The following TTBK2 variants were observed in gnomAD, a reference collection of about 807,000 sequenced individuals.
TTBK2 encodes the protein tau tubulin kinase 2.
Under a neutral mutation model 110.8 loss-of-function variants are expected in TTBK2, and 28 were observed. That is an observed-to-expected ratio of 0.25 (90% confidence interval 0.19 to 0.35). The LOEUF is 0.35. Among genes scored for constraint, TTBK2 ranks in the 10% least tolerant of loss-of-function variants. TTBK2 has a pLI of 1.00. For synonymous variants in TTBK2, 532 were observed against 527.3 expected (o/e 1.01, Z -0.12); for missense variants, 1,369 against 1,500.3 (o/e 0.91, Z 1.45).
intron 3 of TTBK2, chr15:42,871,676 G>T: frequency 1.4e-6 from 1 of 713,862 alleles, no homozygotes; most frequent in Non-Finnish European, 1.7e-6. Flanking sequence ...GTCAGAAAAA[G>T]AAAGAGCCAT....
In TTBK2 at chr15:42,775,730, G is replaced by A. The variant is rs546552376; in HGVS notation, c.1410-7C>T. 4 of 1,605,356 alleles carry A rather than the reference G, an allele frequency of 2.5e-6. No individual in the cohort carries two copies. In the African/African-American group the frequency reaches 5.3e-5, roughly 21 times the overall value. On this transcript the variant is annotated splice_polypyrimidine_tract_variant and splice_region_variant and intron_variant, in intron 12 of 14. Transcript: ENST00000267890. ...TTTCTGCATTTTCTCCAGGCTTAAGGAAATGGAAAGAAGTTACTCAACTGT... is the reference window on the plus strand; with the variant it reads ...TTTCTGCATTTTCTCCAGGCTTAAGAAAATGGAAAGAAGTTACTCAACTGT...
intron 10 of TTBK2, 59 bp downstream of exon 10, chr15:42,794,585 T>G: frequency 6.2e-7 from 1 of 1,613,102 alleles, no homozygotes. Flanking sequence ...ATGAAGTAAA[T>G]TTTTGCAAAT....
chr15:42,880,468 C>A (rs1366140453), intron 1 of TTBK2, among the ~76,000 whole-genome samples: 4 of 152,128 alleles, frequency 2.6e-5, no homozygotes, highest in Admixed American at 2.6e-4. Flanking sequence ...CTCATTATAT[C>A]CTTGAACTCC....
At chr15:42,811,181 T>C (rs1483449253) in intron 8 of TTBK2, among the ~76,000 whole-genome samples, 1 of 152,080 alleles carries the variant, frequency 6.6e-6, no homozygotes, top group Non-Finnish European at 1.5e-5. Flanking sequence ...TTTGTAAAGA[T>C]TGGGGTCTCA....
At chr15:42,894,777 C>T (rs1032584780) in intron 1 of TTBK2, among the ~76,000 whole-genome samples, 2 of 151,964 alleles carry the variant, frequency 1.3e-5, no homozygotes, top group Admixed American at 6.6e-5. Flanking sequence ...AAATAAGAGA[C>T]CCATATCCCT....
chr15:42,899,831 G>A (rs2029886049), intron 1 of TTBK2, among the ~76,000 whole-genome samples: 1 of 151,390 alleles, frequency 6.6e-6, no homozygotes, highest in Non-Finnish European at 1.5e-5. Context: ...GAATCCAGGA[G>A]GCGGAGGTTG....
chr15:42,747,049 C>T (rs1031976842), intron 14 of TTBK2, among the ~76,000 whole-genome samples: 3 of 151,382 alleles, frequency 2.0e-5, no homozygotes, highest in African/African-American at 7.3e-5. Flanking sequence ...ACTGCAGTCT[C>T]GACCTCCTGG....
chr15:42,788,536 T>C (rs2140837240), intron 10 of TTBK2, among the ~76,000 whole-genome samples: 1 of 152,332 alleles, frequency 6.6e-6, no homozygotes, highest in Non-Finnish European at 1.5e-5. Flanking sequence ...TTGAATATCC[T>C]GCAGTTGTTG....
intron 3 of TTBK2, among the ~76,000 whole-genome samples, chr15:42,859,062 C>G (rs1430830483): frequency 6.6e-6 from 1 of 152,056 alleles, no homozygotes; most frequent in African/African-American, 2.4e-5. Flanking sequence ...ACCTAACCTG[C>G]TGGAGTTTGT....
intron 6 of TTBK2, among the ~76,000 whole-genome samples, chr15:42,827,251 A>G (rs1892573395): frequency 6.6e-6 from 1 of 152,160 alleles, no homozygotes; most frequent in African/African-American, 2.4e-5. Flanking sequence ...AACGGAATAG[A>G]TTTCACTAAA....
chr15:42,753,546 T>G (rs867837394), intron 13 of TTBK2, among the ~76,000 whole-genome samples: 4 of 152,304 alleles, frequency 2.6e-5, no homozygotes, highest in Non-Finnish European at 5.9e-5. Context: ...GTTTCCTGGC[T>G]TTCTGATTTG....
chr15:42,772,337 G>A (rs145776161), intron 13 of TTBK2, among the ~76,000 whole-genome samples: 14 of 152,280 alleles, frequency 9.2e-5, no homozygotes, highest in African/African-American at 2.9e-4. Flanking sequence ...CTAACAGCCA[G>A]TAAGGAACTG....
chr15:42,755,350 G>C (rs1039511283), intron 13 of TTBK2, among the ~76,000 whole-genome samples: 4 of 152,178 alleles, frequency 2.6e-5, no homozygotes, highest in African/African-American at 9.7e-5. Flanking sequence ...TTAGTTTAGA[G>C]TCGATCTCTA....
intron 1 of TTBK2, among the ~76,000 whole-genome samples, chr15:42,888,972 G>A (rs912657210): frequency 3.3e-5 from 5 of 152,042 alleles, no homozygotes; most frequent in African/African-American, 1.2e-4. Flanking sequence ...CAAGACAAAT[G>A]GTCCTTGGAC....
At chr15:42,811,664 T>G (rs767428767) in intron 8 of TTBK2, 24 bp downstream of exon 8, 1 of 1,592,918 alleles carries the variant, frequency 6.3e-7, no homozygotes, top group South Asian at 1.1e-5. Context: ...CTACCACAAT[T>G]GACATCTCCA....
chr15:42,756,705 G>A (rs548687505), intron 13 of TTBK2, among the ~76,000 whole-genome samples: 1 of 151,684 alleles, frequency 6.6e-6, no homozygotes, highest in African/African-American at 2.4e-5. Context: ...ACATACATAT[G>A]GTATAAAAAA....
chr15:42,830,324 G>A (rs1425974750), intron 4 of TTBK2, among the ~76,000 whole-genome samples: 2 of 151,958 alleles, frequency 1.3e-5, no homozygotes, highest in African/African-American at 4.8e-5. Context: ...AGTAGCTGGG[G>A]TTACAGGTGC....
At chr15:42,902,562 T>A (rs536901423) in intron 1 of TTBK2, among the ~76,000 whole-genome samples, 4 of 152,088 alleles carry the variant, frequency 2.6e-5, no homozygotes, top group African/African-American at 9.7e-5. Context: ...CCAGTTCACT[T>A]CCATTAATAT....
chr15:42,884,475 G>T (rs1199901620), intron 1 of TTBK2, among the ~76,000 whole-genome samples: 1 of 152,182 alleles, frequency 6.6e-6, no homozygotes, highest in Non-Finnish European at 1.5e-5. Flanking sequence ...ATAGATAAAA[G>T]ATGATAGGAG....
Sources: allele counts gnomAD v4.1 joint callset (sites outside exome capture counted in the v4.1 genomes callset), GRCh38; gene constraint gnomAD v4.1.1; transcripts MANE v1.5; gene names NCBI Gene and HGNC (gene_info 2026-07-23, HGNC 2026-07-21).